Variants in RNF19B observed in about 807,000 individuals in gnomAD.
RNF19B encodes E3 ubiquitin-protein ligase RNF19B.
In RNF19B, 23 loss-of-function variants were observed where a neutral mutation model predicts 65.5. That is an observed-to-expected ratio of 0.35 (90% CI 0.25 to 0.50). The LOEUF (loss-of-function observed/expected upper bound fraction) is 0.50, where lower values mean the gene tolerates loss of function less well. Ranked by LOEUF, RNF19B falls within the 20% of genes least tolerant of loss-of-function variation. The pLI is 0.98. For missense variants in RNF19B, 794 were observed against 980.0 expected (o/e 0.81, Z 2.53); for synonymous variants, 372 against 379.6 (o/e 0.98, Z 0.23).
chr1:32,960,419 T>A (rs1200594968), intron 1 of RNF19B, among the ~76,000 whole-genome samples: 1 of 152,154 alleles, frequency 6.6e-6, no homozygotes, highest in African/African-American at 2.4e-5. Context: ...ACTTCTCTTC[T>A]AGTGTTTATC....
chr1:32,955,721 C>G (rs1427389293), intron 1 of RNF19B, among the ~76,000 whole-genome samples: 1 of 150,168 alleles, frequency 6.7e-6, no homozygotes, highest in African/African-American at 2.5e-5. Flanking sequence ...TGCACTCCAG[C>G]CTGGGAGACA....
At chr1:32,952,786 G>C (rs954351380) in intron 1 of RNF19B, among the ~76,000 whole-genome samples, 1 of 150,952 alleles carries the variant, frequency 6.6e-6, no homozygotes, top group Non-Finnish European at 1.5e-5. Context: ...GGTGACACAG[G>C]CCTGCAGTCA....
rs544919767 is a variant in RNF19B, at chr1:32,947,589, G to A, written c.983+633C>T. Reference sequence around the variant, plus strand: ...CAGGACAATCACTTGAACCTGGGAGGTGGAGGTTGCAGTGAGTCGAGATCG... The same window carrying A: ...CAGGACAATCACTTGAACCTGGGAGATGGAGGTTGCAGTGAGTCGAGATCG... On this transcript the variant is annotated intron_variant, in intron 3 of 8. Transcript: ENST00000235150. Among the ~76,000 whole-genome samples the A allele has an allele frequency of 3.9e-5, 6 of 151,990 alleles. No individual in the cohort carries two copies. The South Asian group carries it at 8.3e-4, about 21-fold the overall frequency.
At chr1:32,934,092 C>T (rs1314267792), downstream of RNF19B, among the ~76,000 whole-genome samples, 3 of 152,234 alleles carry the variant, frequency 2.0e-5, no homozygotes, top group Non-Finnish European at 4.4e-5. Context: ...CACAAGTACA[C>T]GCCCCCTTCA....
At chr1:32,956,831 T>A (rs2124177624) in intron 1 of RNF19B, among the ~76,000 whole-genome samples, 1 of 152,210 alleles carries the variant, frequency 6.6e-6, no homozygotes, top group South Asian at 2.1e-4. Flanking sequence ...GTACTTTCCA[T>A]CCCCAAGTCA....
intron 1 of RNF19B, among the ~76,000 whole-genome samples, chr1:32,957,263 C>T (rs1037971182): frequency 1.3e-5 from 2 of 152,150 alleles, no homozygotes; most frequent in African/African-American, 4.8e-5. Context: ...CCTCAGCCTC[C>T]TAAGCAGCTG....
intron 1 of RNF19B, among the ~76,000 whole-genome samples, chr1:32,961,061 C>T (rs1044897705): frequency 1.3e-5 from 2 of 152,160 alleles, no homozygotes; most frequent in African/African-American, 4.8e-5. Flanking sequence ...CAAGGGAGAA[C>T]TCAGGCATCT....
downstream of RNF19B, among the ~76,000 whole-genome samples, chr1:32,933,080 C>T (rs766844553): frequency 6.6e-6 from 1 of 152,124 alleles, no homozygotes; most frequent in Admixed American, 6.5e-5. Context: ...TATCCTCACT[C>T]CAGGTTATAT....
In RNF19B at chr1:32,960,876, G is replaced by A. The variant is rs138053586; in HGVS notation, c.635+3175C>T. 1.9e-3 allele frequency among the ~76,000 whole-genome samples: 293 copies of A among 152,054 alleles called. 2 individuals are homozygous for A. The highest frequency in any genetic ancestry group is 2.4e-3 in the Non-Finnish European group (164 of 67,992). Reference sequence around the variant, plus strand: ...TTAATAATAATAATTAGCTGGGCTTGGTGGCATGCACCCGTGTTCCCAGCT... The same window carrying A: ...TTAATAATAATAATTAGCTGGGCTTAGTGGCATGCACCCGTGTTCCCAGCT... On this transcript the variant is annotated intron_variant, in intron 1 of 8. Transcript: ENST00000235150.
chr1:32,960,183 G>C (rs537627588), intron 1 of RNF19B, among the ~76,000 whole-genome samples: 1 of 152,316 alleles, frequency 6.6e-6, no homozygotes, highest in Non-Finnish European at 1.5e-5. Flanking sequence ...CAAATATTCT[G>C]TAAACAAATC....
In RNF19B at chr1:32,964,540, C is replaced by G. The variant is rs1642859475; in HGVS notation, c.146G>C (p.Arg49Pro). ...CGGCGGCTCGGCCTGCGGCTTGGCC[C>G]GGGCGCGGCGGCCGCGGGCCGAGGC... ...FSASARGRRA[R>P]AKPQAEPPPP... The change falls in exon 1 of 9, where the codon CGG (arginine) becomes CCG (proline). Residue 49 changes from arginine to proline, a missense_variant. Physicochemically the swap from Arg to Pro is moderately radical, Grantham distance 103 (BLOSUM62 -2). This residue lies in a region of RNF19B where 374 missense variants were observed against 423.8 expected (regional missense o/e 0.88). Coordinates refer to ENST00000235150, the MANE Select transcript of RNF19B (RefSeq NM_001300826.2). This position sits in a 1 kb window ranked among gnomAD's most constrained non-coding sequence, Gnocchi z 6.5. The G allele has an allele frequency of 2.5e-6, 3 of 1,178,996 alleles. No homozygotes were observed. Among genetic ancestry groups the G allele is most frequent in the South Asian group, 2.3e-5 (1 of 43,296 alleles). The allele number at this position is 1,178,996 out of a possible 1,614,324, so 73.0% of individuals were successfully genotyped here. A position where few individuals can be genotyped will look rare whatever the true frequency, so the allele number is the denominator to read the frequency against.
At chr1:32,941,052 A>T (rs191909423) in intron 7 of RNF19B, among the ~76,000 whole-genome samples, 1 of 152,080 alleles carries the variant, frequency 6.6e-6, no homozygotes, top group African/African-American at 2.4e-5. Flanking sequence ...GCAAGACCCC[A>T]TCTCTACAAA....
intron 7 of RNF19B, among the ~76,000 whole-genome samples, chr1:32,939,586 T>C (rs956862904): frequency 6.6e-6 from 1 of 152,188 alleles, no homozygotes; most frequent in Non-Finnish European, 1.5e-5. Flanking sequence ...AAATCAAACA[T>C]TTAACAATCA....
chr1:32,964,206 G>T lies in RNF19B; in HGVS notation c.480C>A (p.Pro160=), dbSNP rs552667791. 16 of 1,546,616 alleles carry T rather than the reference G, an allele frequency of 1.0e-5. No individual in the cohort carries two copies. The African/African-American group carries it at 1.7e-4, about 16-fold the overall frequency. The change falls in exon 1 of 9, where the codon CCC becomes CCA. Residue 160 remains proline (P), a synonymous_variant. Transcript: ENST00000235150. The surrounding 1 kb of genome is among the most constrained non-coding windows in gnomAD (Gnocchi z 6.5). ...LRLEISESRV[P]ISCPECSERL... ...GCTCGCTGCACTCGGGGCAGCTGAT[G>T]GGCACCCTGCTCTCGCTTATCTCCA...
chr1:32,945,498 GT>G lies in RNF19B; in HGVS notation c.1261+15del. On this transcript the variant is annotated intron_variant, in intron 5 of 8. Coordinates refer to ENST00000235150, the MANE Select transcript of RNF19B (RefSeq NM_001300826.2). Reference sequence around the variant, plus strand: ...AGAAAGCTGAGAGAGAAGAGGTGTGGTCCTGACTAGCTTACCAACACTAACT... The same window carrying G: ...AGAAAGCTGAGAGAGAAGAGGTGTGGCCTGACTAGCTTACCAACACTAACT... 1 of 1,510,808 alleles carries G rather than the reference GT, an allele frequency of 6.6e-7. No individual in the cohort carries two copies. Among genetic ancestry groups the G allele is most frequent in the Non-Finnish European group, 9.2e-7 (1 of 1,085,912 alleles). The allele number at this position is 1,510,808 out of a possible 1,614,324, so 93.6% of individuals were successfully genotyped here.
At position 32,964,799 on chromosome 1, in the gene RNF19B, C is replaced by T. The variant is rs1185050420; in HGVS notation, c.-114G>A. On this transcript the variant is annotated 5_prime_UTR_variant, in exon 1 of 9. Transcript: ENST00000235150. The surrounding 1 kb of genome is among the most constrained non-coding windows in gnomAD (Gnocchi z 6.5). Reference sequence around the variant, plus strand: ...CGCCGCCACCACCGCCTCAACCGCCCTCCCGGCGATAGAAGCCGAGCGGCA... The same window carrying T: ...CGCCGCCACCACCGCCTCAACCGCCTTCCCGGCGATAGAAGCCGAGCGGCA... 14 of 1,046,918 alleles carry T rather than the reference C, an allele frequency of 1.3e-5. No individual in the cohort carries two copies. The South Asian group carries it at 2.5e-4, about 19-fold the overall frequency. 64.9% of individuals were successfully genotyped at this position (1,046,918 alleles called of 1,614,324 possible).
chr1:32,943,077 C>A (rs1298500760), intron 6 of RNF19B, among the ~76,000 whole-genome samples: 12 of 150,322 alleles, frequency 8.0e-5, no homozygotes, highest in Admixed American at 5.3e-4. Flanking sequence ...GGAGCCGGAG[C>A]CTGCAGTGAG....
chr1:32,959,288 C>T (rs1642714915), intron 1 of RNF19B, among the ~76,000 whole-genome samples: 1 of 152,140 alleles, frequency 6.6e-6, no homozygotes, highest in Admixed American at 6.5e-5. Context: ...AGCCTTATCC[C>T]TTCTTATTCA....
intron 4 of RNF19B, 96 bp from the exon 5 acceptor site, chr1:32,945,724 C>T (rs34823226): frequency 0.019 from 13,427 of 689,672 alleles, 190 homozygotes; most frequent in Non-Finnish European, 0.026. Flanking sequence ...TGTAAGTTAT[C>T]TATATTAAAA....
Sources: gnomAD v4.1 joint callset for allele counts (sites outside exome capture counted in the v4.1 genomes callset) on GRCh38, gnomAD v4.1.1 for gene constraint, gnomAD v4.1.1 regional missense constraint, Gnocchi (gnomAD v3.1) non-coding constraint, MANE v1.5 for transcripts, NCBI Gene and HGNC (gene_info 2026-07-23, HGNC 2026-07-21) for gene names.